The following MTMR3 variants were observed in gnomAD, a reference collection of about 807,000 sequenced individuals.
MTMR3 encodes the protein myotubularin related protein 3, also known as phosphatidylinositol-3,5-bisphosphate 3-phosphatase MTMR3.
Under a neutral mutation model 132.4 loss-of-function variants are expected in MTMR3, and 32 were observed. The ratio of observed to expected loss-of-function variants is 0.24; its 90% CI spans 0.18 to 0.32. MTMR3 has a LOEUF of 0.32. MTMR3 is among the 10% of genes least tolerant of loss of function. MTMR3 has a pLI of 1.00. For missense variants in MTMR3, 1,216 were observed against 1,489.6 expected, an observed-to-expected ratio of 0.82 and a Z score of 3.02; for synonymous variants, 556 against 550.3, an observed-to-expected ratio of 1.01 and a Z score of -0.14.
chr22:29,967,874 G>T (rs1284170220), intron 2 of MTMR3, among the ~76,000 whole-genome samples: 2 of 150,896 alleles, frequency 1.3e-5, no homozygotes, highest in Non-Finnish European at 3.0e-5. Context: ...TCATGTATCA[G>T]TATTTTATTC....
intron 11 of MTMR3, chr22:30,008,675 T>A (rs975048908): frequency 4.7e-6 from 1 of 210,722 alleles, no homozygotes; most frequent in African/African-American, 2.3e-5. Flanking sequence ...GGAGTTCTTT[T>A]CAAAGAGATT....
At position 30,002,943 on chromosome 22, in the gene MTMR3, A is replaced by G; in HGVS notation, c.621A>G (p.Glu207=). Residue 207 remains glutamate, a synonymous_variant, in exon 9 of 20, where the codon GAA becomes GAG. Coordinates refer to ENST00000401950, the MANE Select transcript of MTMR3 (RefSeq NM_021090.4). ...CCTGGATCACTGACAAAGAACTGGAAAGTGTATCAAGTTTCAGGTCCTGGA... is the reference window on the plus strand; with the variant it reads ...CCTGGATCACTGACAAAGAACTGGAGAGTGTATCAAGTTTCAGGTCCTGGA... ...VPAWITDKEL[E]SVSSFRSWKR... The G allele has an allele frequency of 6.2e-7, 1 of 1,614,094 alleles. No individual in the cohort carries two copies. The highest frequency in any genetic ancestry group is 8.5e-7 in the Non-Finnish European group (1 of 1,179,966).
At chr22:29,949,143 ACCCCCCCCCCCC>A (rs1159749194) in intron 1 of MTMR3, among the ~76,000 whole-genome samples, 1 of 14,672 alleles carries the variant, frequency 6.8e-5, no homozygotes, top group South Asian at 5.9e-3. Flanking sequence ...ACACACACAC[ACCCCCCCCCCCC>A]CCCCCGAGGC....
intron 2 of MTMR3, among the ~76,000 whole-genome samples, chr22:29,968,800 A>G (rs2066478523): frequency 6.6e-6 from 1 of 152,248 alleles, no homozygotes; most frequent in African/African-American, 2.4e-5. Flanking sequence ...AGAATGAATA[A>G]ATGAGATAAT....
intron 1 of MTMR3, among the ~76,000 whole-genome samples, chr22:29,941,090 C>T (rs1218717767): frequency 6.7e-6 from 1 of 148,190 alleles, no homozygotes; most frequent in East Asian, 1.9e-4. Context: ...CTGCCCTAAT[C>T]CAAACTACTA....
chr22:30,023,458 G>GA (rs2067819861), intron 19 of MTMR3: 2 of 1,614,020 alleles, frequency 1.2e-6, no homozygotes, highest in Non-Finnish European at 1.7e-6. Flanking sequence ...TCCTTGCAGG[G>GA]ACACTGACCG....
At chr22:29,920,161 C>T (rs998187237) in intron 1 of MTMR3, among the ~76,000 whole-genome samples, 1 of 151,382 alleles carries the variant, frequency 6.6e-6, no homozygotes, top group African/African-American at 2.4e-5. Flanking sequence ...TTGCAGTTAG[C>T]TGAGATCGCG....
intron 1 of MTMR3, among the ~76,000 whole-genome samples, chr22:29,893,784 G>A (rs571018819): frequency 6.6e-6 from 1 of 152,042 alleles, no homozygotes; most frequent in African/African-American, 2.4e-5. Context: ...TTCTTTTAGA[G>A]TTTCCCATTT....
intron 19 of MTMR3, chr22:30,024,786 C>T (rs2067867337): frequency 6.6e-6 from 1 of 152,260 alleles, no homozygotes; most frequent in Admixed American, 6.5e-5. Flanking sequence ...CATTCTTTGC[C>T]AATTCCCTTT....
intron 1 of MTMR3, among the ~76,000 whole-genome samples, chr22:29,952,266 A>G (rs545148836): frequency 2.2e-4 from 33 of 152,064 alleles, no homozygotes; most frequent in Non-Finnish European, 4.3e-4. Context: ...AAATGATAAT[A>G]TTTTAGCAGC....
rs558876409 is a variant in MTMR3, at chr22:29,967,263, G to A, written c.-84-3713G>A. On this transcript the variant is annotated intron_variant, in intron 2 of 19. Coordinates refer to ENST00000401950, the MANE Select transcript of MTMR3 (RefSeq NM_021090.4). ...CGCGCGCGCGCGCATGTTTTTTAGA[G>A]ACAAGGTCTTGCTCTGTCACTCAGG... Among the ~76,000 whole-genome samples, 6 of 151,000 alleles carry A rather than the reference G, an allele frequency of 4.0e-5. No homozygotes were observed. The South Asian group carries it at 1.0e-3, about 26-fold the overall frequency.
intron 2 of MTMR3, among the ~76,000 whole-genome samples, chr22:29,968,628 C>G (rs767131296): frequency 6.6e-6 from 1 of 152,114 alleles, no homozygotes; most frequent in Non-Finnish European, 1.5e-5. Context: ...ATTTTCTTTG[C>G]AGCAGTTGCC....
intron 1 of MTMR3, among the ~76,000 whole-genome samples, chr22:29,919,648 C>G (rs768787321): frequency 6.6e-6 from 1 of 151,784 alleles, no homozygotes; most frequent in South Asian, 2.1e-4. Flanking sequence ...TCAGCCTCCT[C>G]AGTAGCTAAG....
chr22:29,977,938 G>A (rs2066661216), intron 3 of MTMR3: 1 of 152,838 alleles, frequency 6.5e-6, no homozygotes, highest in South Asian at 2.0e-4. Flanking sequence ...CCTGAGGCCA[G>A]GAGTTGGAGA....
chr22:30,024,605 G>A (rs2067858878), intron 19 of MTMR3: 1 of 152,112 alleles, frequency 6.6e-6, no homozygotes, highest in African/African-American at 2.4e-5. Flanking sequence ...TCCAGCAGTG[G>A]GTTTGCATTC....
At chr22:30,023,831 T>C in intron 19 of MTMR3, 1 of 294,650 alleles carries the variant, frequency 3.4e-6, no homozygotes, top group Non-Finnish European at 6.4e-6. Flanking sequence ...AGAATAATGC[T>C]AGTAATTTCC....
chr22:29,963,606 T>C (rs549358067), intron 2 of MTMR3, among the ~76,000 whole-genome samples: 1 of 152,100 alleles, frequency 6.6e-6, no homozygotes, highest in South Asian at 2.1e-4. Context: ...CGGGATGGTC[T>C]CGATCTCTTG....
At chr22:30,021,969 T>G in intron 17 of MTMR3, 60 bp from the exon 18 acceptor site, 1 of 1,402,806 alleles carries the variant, frequency 7.1e-7, no homozygotes, top group African/African-American at 1.4e-5. Context: ...TCACCAGGCC[T>G]TTTCTTCTTT....
At chr22:29,904,789 T>C (rs1337360922) in intron 1 of MTMR3, among the ~76,000 whole-genome samples, 1 of 150,174 alleles carries the variant, frequency 6.7e-6, no homozygotes, top group Non-Finnish European at 1.5e-5. Flanking sequence ...AGCAGGAAGA[T>C]GGACAATGTT....
Sources: gnomAD v4.1 joint callset for allele counts (sites outside exome capture counted in the v4.1 genomes callset) on GRCh38, gnomAD v4.1.1 for gene constraint, MANE v1.5 for transcripts, NCBI Gene and HGNC (gene_info 2026-07-23, HGNC 2026-07-21) for gene names.